SCAPER: variants seen among roughly 807,000 people sequenced by gnomAD.
The protein encoded by SCAPER is S phase cyclin A-associated protein in the endoplasmic reticulum.
A neutral mutation model predicts 182.2 loss-of-function variants in SCAPER; 98 were observed. That is an observed-to-expected ratio of 0.54 (90% CI 0.46 to 0.64). The LOEUF is 0.64. SCAPER is among the 30% of genes least tolerant of loss of function. The pLI is 0.00. For missense variants in SCAPER, 1,432 were observed against 1,690.0 expected (o/e 0.85, Z 2.68); for synonymous variants, 605 against 564.6 (o/e 1.07, Z -1.01).
intron 21 of SCAPER, among the ~76,000 whole-genome samples, chr15:76,665,072 G>A (rs759615131): frequency 2.0e-5 from 3 of 152,136 alleles, no homozygotes; most frequent in Non-Finnish European, 2.9e-5. Flanking sequence ...TCCTCGAACC[G>A]GACTCATCCG....
chr15:76,730,230 A>G (rs1050012576), intron 16 of SCAPER, among the ~76,000 whole-genome samples: 1 of 152,162 alleles, frequency 6.6e-6, no homozygotes, highest in African/African-American at 2.4e-5. Flanking sequence ...AACAAGCTCT[A>G]TCTGCCCCAG....
intron 20 of SCAPER, among the ~76,000 whole-genome samples, chr15:76,697,042 C>T (rs1229202355): frequency 6.6e-6 from 1 of 152,032 alleles, no homozygotes; most frequent in Non-Finnish European, 1.5e-5. Context: ...ATGTTAAGTT[C>T]ATAAGGTCAA....
At chr15:76,772,518 T>A (rs1471065158) in intron 9 of SCAPER, among the ~76,000 whole-genome samples, 3 of 151,976 alleles carry the variant, frequency 2.0e-5, no homozygotes, top group African/African-American at 7.2e-5. Context: ...ATATGGTACA[T>A]GAACCCAATT....
intron 29 of SCAPER, among the ~76,000 whole-genome samples, chr15:76,360,135 T>C (rs2041296445): frequency 6.6e-6 from 1 of 152,206 alleles, no homozygotes; most frequent in African/African-American, 2.4e-5. Context: ...TTATAAGAGT[T>C]CTGGAAAAGC....
intron 23 of SCAPER, among the ~76,000 whole-genome samples, chr15:76,550,055 T>C (rs953752062): frequency 2.0e-5 from 3 of 152,104 alleles, no homozygotes; most frequent in African/African-American, 4.8e-5. Context: ...AAACGCGCTT[T>C]TGACATGGGG....
intron 24 of SCAPER, among the ~76,000 whole-genome samples, chr15:76,485,318 A>G (rs948402674): frequency 6.6e-6 from 1 of 152,232 alleles, no homozygotes; most frequent in African/African-American, 2.4e-5. Flanking sequence ...CTAAGAATAC[A>G]GCTAACTAGG....
chr15:76,475,475 C>T (rs981329547), intron 24 of SCAPER, among the ~76,000 whole-genome samples: 1 of 152,086 alleles, frequency 6.6e-6, no homozygotes, highest in Non-Finnish European at 1.5e-5. Context: ...TACAGGCACA[C>T]ACCACCACAC....
At chr15:76,816,317 TTA>T (rs757968011) in intron 5 of SCAPER, among the ~76,000 whole-genome samples, 25 of 152,212 alleles carry the variant, frequency 1.6e-4, no homozygotes, top group Non-Finnish European at 2.8e-4. Flanking sequence ...TTGTACAAAA[TTA>T]TCTTTATAAC....
intron 15 of SCAPER, among the ~76,000 whole-genome samples, chr15:76,752,495 T>TA (rs1360531678): frequency 6.6e-6 from 1 of 151,726 alleles, no homozygotes; most frequent in Non-Finnish European, 1.5e-5. Flanking sequence ...TCCATTGAGG[T>TA]ATGAATGGAT....
intron 9 of SCAPER, among the ~76,000 whole-genome samples, chr15:76,773,763 A>C (rs1568088386): frequency 6.6e-6 from 1 of 151,924 alleles, no homozygotes; most frequent in Non-Finnish European, 1.5e-5. Flanking sequence ...AAAAAATCCT[A>C]CAGGTAAAAA....
At chr15:76,571,135 T>C (rs764747317) in intron 23 of SCAPER, among the ~76,000 whole-genome samples, 9 of 152,190 alleles carry the variant, frequency 5.9e-5, no homozygotes, top group Non-Finnish European at 1.2e-4. Flanking sequence ...CAACTCACAT[T>C]TGCCAATCTG....
chr15:76,653,830 G>A (rs1028810141), intron 21 of SCAPER, among the ~76,000 whole-genome samples: 21 of 152,074 alleles, frequency 1.4e-4, no homozygotes, highest in Admixed American at 1.2e-3. Context: ...AAAAGCAATT[G>A]CAACAAAAAC....
chr15:76,551,019 C>A (rs1221651499), intron 23 of SCAPER, among the ~76,000 whole-genome samples: 2 of 151,994 alleles, frequency 1.3e-5, no homozygotes, highest in African/African-American at 4.8e-5. Flanking sequence ...TATCCTCTGA[C>A]CCCATCTAGA....
chr15:76,718,295 T>A (rs1417962285), intron 17 of SCAPER, among the ~76,000 whole-genome samples: 2 of 152,180 alleles, frequency 1.3e-5, no homozygotes, highest in Non-Finnish European at 2.9e-5. Flanking sequence ...GGGAAGTTTA[T>A]AGTTTCTGCA....
chr15:76,484,155 C>A (rs915135355), intron 24 of SCAPER, among the ~76,000 whole-genome samples: 14 of 152,018 alleles, frequency 9.2e-5, no homozygotes, highest in Middle Eastern at 3.4e-3. Flanking sequence ...TATTATTCAG[C>A]AATAAAAAGA....
In SCAPER at chr15:76,570,131, A is replaced by G. The variant is rs79995815; in HGVS notation, c.2838+4027T>C. Reference sequence around the variant, plus strand: ...CCACCTGGGGTATTAGCAATTTAGGATCATTTTAATCTTTTTTCAGTGATT... The same window carrying G: ...CCACCTGGGGTATTAGCAATTTAGGGTCATTTTAATCTTTTTTCAGTGATT... On this transcript the variant is annotated intron_variant, in intron 23 of 31. Transcript: ENST00000563290. Among the ~76,000 whole-genome samples the G allele has an allele frequency of 9.6e-3, 1,462 of 152,200 alleles. 11 individuals carry two copies. Among genetic ancestry groups the G allele is most frequent in the Middle Eastern group, 0.034 (10 of 294 alleles).
In SCAPER at chr15:76,372,766, T is replaced by A. The variant is rs2042269394; in HGVS notation, c.3855+3396A>T. 4.6e-5 allele frequency among the ~76,000 whole-genome samples: 7 copies of A among 152,190 alleles called. No individual in the cohort carries two copies. The South Asian group carries it at 1.2e-3, about 27-fold the overall frequency. The stretch of plus-strand genomic sequence containing the variant: ...AATTTAAGTATAAAACAAGACATTT[T>A]TAGGTAAACCATGAATGTCCATACA... On this transcript the variant is annotated intron_variant, in intron 29 of 31. Coordinates refer to ENST00000563290, the MANE Select transcript of SCAPER (RefSeq NM_020843.4).
chr15:76,864,323 T>C (rs886275102), intron 2 of SCAPER, among the ~76,000 whole-genome samples: 7 of 152,244 alleles, frequency 4.6e-5, no homozygotes, highest in Admixed American at 3.3e-4. Flanking sequence ...TCAATTCTAA[T>C]ATACACATAA....
intron 21 of SCAPER, among the ~76,000 whole-genome samples, chr15:76,636,996 G>T (rs536551338): frequency 2.6e-5 from 4 of 151,762 alleles, no homozygotes; most frequent in African/African-American, 7.3e-5. Context: ...AAAAAAAACA[G>T]CTTTGAGATA....
Sources: gnomAD v4.1 joint callset for allele counts (sites outside exome capture counted in the v4.1 genomes callset) on GRCh38, gnomAD v4.1.1 for gene constraint, MANE v1.5 for transcripts, NCBI Gene and HGNC (gene_info 2026-07-23, HGNC 2026-07-21) for gene names.